Variants in NDUFAF5 observed in about 807,000 individuals in gnomAD.
NDUFAF5 encodes arginine-hydroxylase NDUFAF5, mitochondrial.
A neutral mutation model predicts 48.9 loss-of-function variants in NDUFAF5; 34 were observed. That is an observed-to-expected ratio of 0.70 (90% CI 0.53 to 0.93). NDUFAF5 has a LOEUF of 0.93. Ranked by LOEUF, NDUFAF5 falls within the 40% of genes least tolerant of loss-of-function variation. NDUFAF5 has a pLI of 0.00. For missense variants in NDUFAF5, 428 were observed against 427.5 expected, an observed-to-expected ratio of 1.00 and a Z score of -0.01; for synonymous variants, 153 against 150.6, an observed-to-expected ratio of 1.02 and a Z score of -0.12.
At position 13,817,649 on chromosome 20, in the gene NDUFAF5, T is replaced by C. The variant is rs1173908307; in HGVS notation, c.*439T>C. 7 of 454,370 alleles carry C rather than the reference T, an allele frequency of 1.5e-5. No individual in the cohort carries two copies. The highest frequency in any genetic ancestry group is 3.1e-5 in the Non-Finnish European group (7 of 227,080). The allele number at this position is 454,370 out of a possible 1,614,324, so 28.1% of individuals were successfully genotyped here. A position where few individuals can be genotyped will look rare whatever the true frequency, so the allele number is the denominator to read the frequency against. On this transcript the variant is annotated 3_prime_UTR_variant, in exon 11 of 11. Coordinates refer to ENST00000378106, the MANE Select transcript of NDUFAF5 (RefSeq NM_024120.5). Reference sequence around the variant, plus strand: ...TATCTTTATTAAATCCCTCCTCAACTCTTTTTTTTTAAAGCATCTGAATTT... The same window carrying C: ...TATCTTTATTAAATCCCTCCTCAACCCTTTTTTTTTAAAGCATCTGAATTT...
intron 4 of NDUFAF5, among the ~76,000 whole-genome samples, chr20:13,793,752 G>C (rs940667498): frequency 6.6e-6 from 1 of 152,096 alleles, no homozygotes; most frequent in African/African-American, 2.4e-5. Context: ...ATAAATTCCT[G>C]GTAGCGGAAT....
At chr20:13,816,009 C>T in intron 8 of NDUFAF5, 1 of 210,242 alleles carries the variant, frequency 4.8e-6, no homozygotes, top group Non-Finnish European at 9.8e-6. Context: ...AGTTTCAAAG[C>T]CGTCTTCCAA....
rs113497452 is a variant in NDUFAF5 at position 13,785,977 on chromosome 20, T to C, written c.222+687T>C. ...TGGTCAGCACTGCTCTAGGGGAATG[T>C]GAAGCTCTTGTTTTAATCAGTGGAG... On this transcript the variant is annotated intron_variant, in intron 1 of 10. Transcript: ENST00000378106. Among the ~76,000 whole-genome samples the C allele has an allele frequency of 9.6e-3, 1,463 of 152,312 alleles. 28 individuals are homozygous for C. The highest frequency in any genetic ancestry group is 0.032 in the African/African-American group (1,330 of 41,558).
chr20:13,813,420 A>G (rs1986105225), intron 8 of NDUFAF5, among the ~76,000 whole-genome samples: 1 of 152,252 alleles, frequency 6.6e-6, no homozygotes, highest in African/African-American at 2.4e-5. Context: ...AATGATATTT[A>G]ACAAAATAGA....
intron 8 of NDUFAF5, among the ~76,000 whole-genome samples, chr20:13,811,836 C>T (rs934169922): frequency 6.6e-6 from 1 of 152,028 alleles, no homozygotes; most frequent in African/African-American, 2.4e-5. Context: ...AAAATCATTT[C>T]GATGAATGGG....
Position 13,820,689 on chromosome 20 carries a change from CAAAAA to C in NDUFAF5, c.*3481_*3485del, listed in dbSNP as rs1048197694. The C allele has an allele frequency of 7.6e-5, 11 of 145,674 alleles. No individual in the cohort carries two copies. Among genetic ancestry groups the C allele is most frequent in the Non-Finnish European group, 1.2e-4 (8 of 66,802 alleles). The allele number at this position is 145,674 out of a possible 1,614,324, so 9.0% of individuals were successfully genotyped here. A position where few individuals can be genotyped will look rare whatever the true frequency, so the allele number is the denominator to read the frequency against. On this transcript the variant is annotated 3_prime_UTR_variant, in exon 11 of 11. Coordinates refer to ENST00000378106, the MANE Select transcript of NDUFAF5 (RefSeq NM_024120.5). ...CTGGGCAACAGCAAGACCCTCGTCT[CAAAAA>C]AGAAAAAAAAAAAGTACAATTTTTG...
chr20:13,801,932 G>A, intron 7 of NDUFAF5: 2 of 430,166 alleles, frequency 4.6e-6, no homozygotes, highest in Non-Finnish European at 8.3e-6. Context: ...ATGTATCATA[G>A]TTAACAAGAC....
intron 2 of NDUFAF5, among the ~76,000 whole-genome samples, 198 bp from the exon 3 acceptor site, chr20:13,788,391 C>G (rs887649067): frequency 6.6e-6 from 1 of 152,130 alleles, no homozygotes; most frequent in Non-Finnish European, 1.5e-5. Context: ...ATCACAAGGT[C>G]CTGTGAATAG....
At chr20:13,806,629 G>C (rs1985053443) in intron 7 of NDUFAF5, among the ~76,000 whole-genome samples, 1 of 152,172 alleles carries the variant, frequency 6.6e-6, no homozygotes, top group South Asian at 2.1e-4. Flanking sequence ...GCTTTTAGTT[G>C]GTTGCACTGA....
chr20:13,804,318 G>A (rs1359793208), intron 7 of NDUFAF5, among the ~76,000 whole-genome samples: 3 of 152,012 alleles, frequency 2.0e-5, no homozygotes, highest in Non-Finnish European at 4.4e-5. Flanking sequence ...TGACTTTGTG[G>A]ACCCCCAAAA....
intron 8 of NDUFAF5, chr20:13,813,950 A>C (rs1986167400): frequency 6.4e-6 from 1 of 157,374 alleles, no homozygotes; most frequent in Admixed American, 6.2e-5. Context: ...TTTTGCATAG[A>C]GGAGAGAAAA....
chr20:13,788,944 T>C (rs1203691952), intron 3 of NDUFAF5, among the ~76,000 whole-genome samples: 1 of 152,184 alleles, frequency 6.6e-6, no homozygotes, highest in East Asian at 1.9e-4. Flanking sequence ...ATAATTACCA[T>C]AAAAATCAGA....
chr20:13,803,751 T>C, intron 7 of NDUFAF5, among the ~76,000 whole-genome samples: 1 of 152,238 alleles, frequency 6.6e-6, no homozygotes, highest in East Asian at 1.9e-4. Flanking sequence ...TTAACATAAA[T>C]GACCCTTTTT....
chr20:13,798,453 T>TA lies in NDUFAF5; in HGVS notation c.480-7dup. 2 of 1,605,468 alleles carry TA rather than the reference T, an allele frequency of 1.2e-6. No individual in the cohort carries two copies. Among genetic ancestry groups the TA allele is most frequent in the South Asian group, 2.2e-5 (2 of 90,892 alleles). On this transcript the variant is annotated splice_polypyrimidine_tract_variant and splice_region_variant and intron_variant, in intron 5 of 10. Coordinates refer to ENST00000378106, the MANE Select transcript of NDUFAF5 (RefSeq NM_024120.5). ...AAGCTAAAACAAATCTGTATTCTCATATTTTAGTTTGCATTGGGTGAATGA... is the reference window on the plus strand; with the variant it reads ...AAGCTAAAACAAATCTGTATTCTCATAATTTTAGTTTGCATTGGGTGAATGA...
At chr20:13,807,507 T>TC (rs1174683522) in intron 7 of NDUFAF5, among the ~76,000 whole-genome samples, 1 of 152,176 alleles carries the variant, frequency 6.6e-6, no homozygotes, top group Non-Finnish European at 1.5e-5. Context: ...CTTTTTTTTT[T>TC]CCAGTCAATA....
intron 8 of NDUFAF5, chr20:13,812,951 C>CTTGT (rs367647501): frequency 6.6e-6 from 1 of 152,270 alleles, no homozygotes; most frequent in East Asian, 1.9e-4. Flanking sequence ...CTAAAGGTTT[C>CTTGT]TTGTTTGTTT....
At position 13,817,389 on chromosome 20, in the gene NDUFAF5, T is replaced by C. The variant is rs1330616765; in HGVS notation, c.*179T>C. 1.4e-6 allele frequency: 1 copy of C among 698,910 alleles called. No homozygotes were observed. Among genetic ancestry groups the C allele is most frequent in the Non-Finnish European group, 2.6e-6 (1 of 383,672 alleles). 43.3% of individuals were successfully genotyped at this position (698,910 alleles called of 1,614,324 possible). On this transcript the variant is annotated 3_prime_UTR_variant, in exon 11 of 11. Transcript: ENST00000378106. ...AACCATTTCAGTTTCATATTGTTTC[T>C]GTTCTCATAAGGATACTGCTGAGTG...
chr20:13,791,864 A>G (rs1982331468), intron 3 of NDUFAF5, among the ~76,000 whole-genome samples: 1 of 152,208 alleles, frequency 6.6e-6, no homozygotes. Context: ...CCATATGAAT[A>G]TGCTACACCC....
rs747941615 is a variant in NDUFAF5 at position 13,817,868 on chromosome 20, C to T, written c.*658C>T. On this transcript the variant is annotated 3_prime_UTR_variant, in exon 11 of 11. Transcript: ENST00000378106. ...AGGGCTTAAGCACTATTATCCTAATCCAAGTTCACAGTCCTGTTGTTGTCG... is the reference window on the plus strand; with the variant it reads ...AGGGCTTAAGCACTATTATCCTAATTCAAGTTCACAGTCCTGTTGTTGTCG... 2.2e-6 allele frequency: 1 copy of T among 454,116 alleles called. No individual in the cohort carries two copies. The allele number at this position is 454,116 out of a possible 1,614,324, so 28.1% of individuals were successfully genotyped here. A position where few individuals can be genotyped will look rare whatever the true frequency, so the allele number is the denominator to read the frequency against.
Sources: gnomAD v4.1 joint callset for allele counts (sites outside exome capture counted in the v4.1 genomes callset) on GRCh38, gnomAD v4.1.1 for gene constraint, MANE v1.5 for transcripts, NCBI Gene and HGNC (gene_info 2026-07-23, HGNC 2026-07-21) for gene names.